Variants in DOCK8 observed in about 807,000 individuals in gnomAD.
The protein encoded by DOCK8 is dedicator of cytokinesis protein 8.
Under a neutral mutation model 245.6 loss-of-function variants are expected in DOCK8, and 141 were observed. The ratio of observed to expected loss-of-function variants is 0.57; its 90% CI spans 0.50 to 0.66. The LOEUF is 0.66. DOCK8 is among the 30% of genes least tolerant of loss of function. The probability of loss-of-function intolerance (pLI) is 0.00; values close to 1 mark genes in which losing one functional copy is unlikely to be tolerated. For synonymous variants in DOCK8, 1,168 were observed against 970.2 expected (o/e 1.20, Z -3.79); for missense variants, 2,965 against 2,603.4 (o/e 1.14, Z -3.02).
At chr9:426,816 T>C in intron 33 of DOCK8, 69 bp from the exon 34 acceptor site, 1 of 1,227,296 alleles carries the variant, frequency 8.1e-7, no homozygotes, top group Non-Finnish European at 1.2e-6. Context: ...CCTTGGTGTA[T>C]AGATTGCCAT....
intron 40 of DOCK8, among the ~76,000 whole-genome samples, chr9:439,701 G>A (rs910036121): frequency 5.3e-5 from 8 of 152,266 alleles, no homozygotes; most frequent in Middle Eastern, 3.4e-3. Flanking sequence ...AGGTGAAATG[G>A]CCTGCCCAGG....
intron 2 of DOCK8, among the ~76,000 whole-genome samples, chr9:281,113 G>A (rs1004492053): frequency 2.0e-5 from 3 of 152,080 alleles, no homozygotes; most frequent in African/African-American, 7.2e-5. Context: ...AATTAGCCAG[G>A]CGTGGTGGCG....
At chr9:219,958 A>G (rs2046846588) in intron 1 of DOCK8, among the ~76,000 whole-genome samples, 1 of 152,220 alleles carries the variant, frequency 6.6e-6, no homozygotes, top group African/African-American at 2.4e-5. Context: ...TGAGCTACAG[A>G]GAGCTTTCTG....
rs1368977951 is a variant in DOCK8, at chr9:263,929, C to G, written c.54-7698C>G. ...CTATGATGTGTCTAGGTTTGATTTC[C>G]TCTGTATTGATTCTGATGGGCATTT... On this transcript the variant is annotated intron_variant, in intron 1 of 47. Transcript: ENST00000432829. 3.9e-5 allele frequency among the ~76,000 whole-genome samples: 6 copies of G among 152,182 alleles called. No homozygotes were observed. The East Asian group carries it at 5.8e-4, about 15-fold the overall frequency.
In DOCK8 at chr9:372,305, A is replaced by G. The variant is rs1443745846; in HGVS notation, c.2109+19A>G. ...TGCTGAGGTAATTGGCAAGCTGGCC[A>G]TCAGCTGTTTCTTGTCCAGCTGTAG... On this transcript the variant is annotated intron_variant, in intron 18 of 47. Transcript: ENST00000432829. 6.3e-7 allele frequency: 1 copy of G among 1,594,276 alleles called. No homozygotes were observed. The highest frequency in any genetic ancestry group is 1.7e-5 in the Admixed American group (1 of 59,990).
At position 215,368 on chromosome 9, in the gene DOCK8, C is replaced by A. The variant is rs779437157; in HGVS notation, c.53+339C>A. On this transcript the variant is annotated intron_variant, in intron 1 of 47. Transcript: ENST00000432829. ...GAAGGGTGATAGGCGCCTGGGTAAC[C>A]GTGTTGGGCGCGCCACGGAGTGTCT... 7.5e-6 allele frequency: 12 copies of A among 1,591,670 alleles called. 1 individual carries two copies. The South Asian group carries it at 1.2e-4, about 16-fold the overall frequency.
chr9:371,366 A>G, intron 16 of DOCK8, 62 bp from the exon 17 acceptor site: 1 of 1,601,538 alleles, frequency 6.2e-7, no homozygotes, highest in Non-Finnish European at 8.6e-7. Context: ...GTGGCGTTTT[A>G]CAATCAGAGA....
chr9:229,953 T>C lies in DOCK8; in HGVS notation c.53+14924T>C, dbSNP rs555467276. ...AGTTTTAGGGTACATGTGCACAACA[T>C]GCAGGTTTGTTACATATGTGTACAT... is the stretch of plus-strand genomic sequence containing the variant. On this transcript the variant is annotated intron_variant, in intron 1 of 47. Coordinates refer to ENST00000432829, the MANE Select transcript of DOCK8 (RefSeq NM_203447.4). 2.0e-5 allele frequency among the ~76,000 whole-genome samples: 3 copies of C among 152,100 alleles called. No homozygotes were observed. The South Asian group carries it at 6.2e-4, about 32-fold the overall frequency.
At chr9:298,618 AGTGTGTGTGTGTGTGTGTGT>A (rs34998339) in intron 4 of DOCK8, among the ~76,000 whole-genome samples, 2 of 145,304 alleles carry the variant, frequency 1.4e-5, no homozygotes, top group Non-Finnish European at 3.0e-5. Flanking sequence ...CACATCTGTA[AGTGTGTGTGTGTGTGTGTGT>A]GTGTGTGTGT....
At position 399,176 on chromosome 9, in the gene DOCK8, A is replaced by C; in HGVS notation, c.3151A>C (p.Ser1051Arg). 1 of 1,614,070 alleles carries C rather than the reference A, an allele frequency of 6.2e-7. No homozygotes were observed. The change falls in exon 26 of 48, where the codon AGC becomes CGC. Residue 1051 changes from serine (S) to arginine (R), a missense_variant. Coordinates refer to ENST00000432829, the MANE Select transcript of DOCK8 (RefSeq NM_203447.4). ...TGAACAGGCGGAAAAGATGAACATC[A>C]GCCTGGCTTTCTTCTTGTATGACCT... ...ENEQAEKMNI[S>R]LAFFLYDLLS...
At chr9:451,350 A>G (rs984611369) in intron 45 of DOCK8, among the ~76,000 whole-genome samples, 1 of 150,822 alleles carries the variant, frequency 6.6e-6, no homozygotes, top group Non-Finnish European at 1.5e-5. Flanking sequence ...TGGGCTGTGT[A>G]TGGTGCGCAC....
intron 1 of DOCK8, among the ~76,000 whole-genome samples, chr9:243,934 C>T (rs1683807946): frequency 6.6e-6 from 1 of 152,166 alleles, no homozygotes; most frequent in African/African-American, 2.4e-5. Flanking sequence ...CCTGTAATCC[C>T]AGCACTTTGG....
chr9:269,552 CTTTTTTTT>C (rs57326015), intron 1 of DOCK8, among the ~76,000 whole-genome samples: 1 of 105,000 alleles, frequency 9.5e-6, no homozygotes, highest in African/African-American at 3.6e-5. Context: ...GTGTGGTTGT[CTTTTTTTT>C]TTTTTTTTTT....
At chr9:458,415 C>T (rs1587127416) in intron 46 of DOCK8, 1 of 152,210 alleles carries the variant, frequency 6.6e-6, no homozygotes, top group East Asian at 1.9e-4. Context: ...GGTCACACTG[C>T]CTGGAGTTCT....
intron 1 of DOCK8, among the ~76,000 whole-genome samples, chr9:216,098 T>C (rs559577028): frequency 1.6e-4 from 25 of 152,348 alleles, no homozygotes; most frequent in African/African-American, 5.8e-4. Flanking sequence ...TCGAGCTTTA[T>C]TGACGATTTT....
intron 7 of DOCK8, among the ~76,000 whole-genome samples, chr9:322,446 C>T (rs1793775949): frequency 6.6e-6 from 1 of 151,772 alleles, no homozygotes; most frequent in African/African-American, 2.4e-5. Context: ...GTTCTGTGAT[C>T]AGAGATGGCT....
chr9:416,751 G>T (rs1264857790), intron 29 of DOCK8, among the ~76,000 whole-genome samples: 1 of 152,152 alleles, frequency 6.6e-6, no homozygotes, highest in Non-Finnish European at 1.5e-5. Flanking sequence ...ATAAAAATGT[G>T]ATAACGATGT....
chr9:415,478 T>A (rs1031898959), intron 29 of DOCK8, among the ~76,000 whole-genome samples: 2 of 152,146 alleles, frequency 1.3e-5, no homozygotes, highest in South Asian at 4.1e-4. Context: ...TTGAGGTTAA[T>A]ATGTCTAGAT....
chr9:431,311 CAA>C (rs1386260672), intron 36 of DOCK8, among the ~76,000 whole-genome samples: 2 of 152,080 alleles, frequency 1.3e-5, no homozygotes, highest in Non-Finnish European at 2.9e-5. Flanking sequence ...TAAGTATGCT[CAA>C]GTGATATATA....
Sources: gnomAD v4.1 joint callset for allele counts (sites outside exome capture counted in the v4.1 genomes callset) on GRCh38, gnomAD v4.1.1 for gene constraint, MANE v1.5 for transcripts, NCBI Gene and HGNC (gene_info 2026-07-23, HGNC 2026-07-21) for gene names.